SPATC1: variants seen among roughly 807,000 people sequenced by gnomAD.
SPATC1 encodes the protein spermatogenesis and centriole associated 1.
SPATC1 carries 35 observed loss-of-function variants against 36.5 expected under a neutral mutation model. The observed-to-expected ratio is 0.96, with a 90% confidence interval of 0.73 to 1.27. The LOEUF is 1.27. SPATC1 is among the 50% of genes most tolerant of loss of function. SPATC1 has a pLI of 0.00. For synonymous variants in SPATC1, 361 were observed against 353.6 expected (o/e 1.02, Z -0.24); for missense variants, 779 against 796.0 (o/e 0.98, Z 0.26).
At position 144,046,658 on chromosome 8, in the gene SPATC1, A is replaced by G. The variant is rs1269563541; in HGVS notation, c.1478A>G (p.Asp493Gly). 5.5e-5 allele frequency: 89 copies of G among 1,611,380 alleles called. No homozygotes were observed. The highest frequency in any genetic ancestry group is 7.5e-5 in the Non-Finnish European group (89 of 1,179,824). ...CTGAACCCCAGTGACCACAAGCTGG[A>G]TGAGAAGCTGTGCCAGAGGCTCACA... ...ASLNPSDHKL[D>G]EKLCQRLTQR... Residue 493 changes from aspartate to glycine, a missense_variant, in exon 5 of 5, where the codon GAT becomes GGT. Asp to Gly is a moderately conservative substitution (Grantham distance 94). Coordinates refer to ENST00000377470, the MANE Select transcript of SPATC1 (RefSeq NM_198572.3). This position sits in a 1 kb window ranked among gnomAD's most constrained non-coding sequence, Gnocchi z 6.6.
At chr8:144,042,872 G>T (rs376540115) in intron 4 of SPATC1, among the ~76,000 whole-genome samples, 4 of 151,020 alleles carry the variant, frequency 2.6e-5, no homozygotes, top group African/African-American at 7.3e-5. Context: ...TTAAGATGGG[G>T]TCACACTCTG....
At position 144,041,099 on chromosome 8, in the gene SPATC1, A is replaced by AC. The variant is rs1554755960; in HGVS notation, c.1303dup (p.Arg435ProfsTer14). 6.3e-7 allele frequency: 1 copy of AC among 1,578,008 alleles called. No homozygotes were observed. ...CGCAAGACCAGCAAGTTCCCCGAGA[A>AC]CCCCCGAGGTCAGTGACACTGCGGG... On this transcript the variant is annotated frameshift_variant, in exon 3 of 5. Transcript: ENST00000377470. LOFTEE classifies it high-confidence loss of function.
chr8:144,040,951 C>T lies in SPATC1; in HGVS notation c.1150C>T (p.His384Tyr), dbSNP rs1835074803. Residue 384 changes from histidine (H) to tyrosine (Y), a missense_variant, in exon 3 of 5, where the codon CAC becomes TAC. Coordinates refer to ENST00000377470, the MANE Select transcript of SPATC1 (RefSeq NM_198572.3). ...CCTGCCTGTCCCCCACTGTCCTCCA[C>T]ACAACGCCCACTCCCCACCTCGTAC... ...QNLPVPHCPP[H>Y]NAHSPPRTSS... 1.2e-6 allele frequency: 2 copies of T among 1,608,962 alleles called. No homozygotes were observed. The highest frequency in any genetic ancestry group is 1.3e-5 in the African/African-American group (1 of 74,730).
intron 1 of SPATC1, among the ~76,000 whole-genome samples, chr8:144,015,726 G>T (rs1283667078): frequency 7.0e-5 from 9 of 127,864 alleles, no homozygotes; most frequent in African/African-American, 2.6e-4. Context: ...GGGCGACTGA[G>T]TGAGACTCTG....
chr8:144,021,593 C>T (rs1174441702), intron 1 of SPATC1, among the ~76,000 whole-genome samples: 2 of 127,462 alleles, frequency 1.6e-5, no homozygotes, highest in Non-Finnish European at 3.4e-5. Context: ...TCAGAACCCT[C>T]TCACCTCAGG....
At chr8:144,044,390 G>A (rs1186037190) in intron 4 of SPATC1, among the ~76,000 whole-genome samples, 2 of 150,522 alleles carry the variant, frequency 1.3e-5, no homozygotes, top group South Asian at 2.1e-4. Flanking sequence ...CAAGCTCCAC[G>A]CCACGGGTTC....
In SPATC1 at chr8:144,040,334, C is replaced by T; in HGVS notation, c.637C>T (p.Leu213=). The T allele has an allele frequency of 4.3e-6, 7 of 1,612,740 alleles. No individual in the cohort carries two copies. The highest frequency in any genetic ancestry group is 5.9e-6 in the Non-Finnish European group (7 of 1,179,902). ...TATPPGVSQN[L]LANPMSNLVL... ...CACCCCACCAGGGGTCTCTCAGAAC[C>T]TGCTGGCCAACCCCATGAGCAACCT... Residue 213 remains leucine (L), a synonymous_variant, in exon 2 of 5, where the codon CTG becomes TTG. Transcript: ENST00000377470.
intron 1 of SPATC1, among the ~76,000 whole-genome samples, chr8:144,030,813 C>T (rs1429050557): frequency 1.3e-5 from 2 of 151,780 alleles, no homozygotes; most frequent in African/African-American, 4.8e-5. Context: ...TTAGTGGTTA[C>T]CCTGGGGGTC....
intron 1 of SPATC1, among the ~76,000 whole-genome samples, chr8:144,020,585 CT>C (rs1587492260): frequency 8.0e-3 from 783 of 98,250 alleles, no homozygotes; most frequent in African/African-American, 0.015. Context: ...ACCTTCTCCC[CT>C]CAGAACCCTC....
chr8:144,029,202 T>TAAAAAAAAAAAA (rs1165801794), intron 1 of SPATC1, among the ~76,000 whole-genome samples: 2 of 28,154 alleles, frequency 7.1e-5, no homozygotes, highest in African/African-American at 2.3e-4. Context: ...ACCCCAGAAC[T>TAAAAAAAAAAAA]AAAAAAAAAA....
Position 144,046,697 on chromosome 8 carries a change from G to A in SPATC1, c.1517G>A (p.Ser506Asn), listed in dbSNP as rs1554756820. The A allele has an allele frequency of 6.2e-7, 1 of 1,612,622 alleles. No homozygotes were observed. Among genetic ancestry groups the A allele is most frequent in the South Asian group, 1.1e-5 (1 of 91,082 alleles). The change falls in exon 5 of 5, where the codon AGC becomes AAC. Residue 506 changes from serine to asparagine, a missense_variant. Physicochemically the swap from Ser to Asn is conservative, Grantham distance 46. Transcript: ENST00000377470. This position sits in a 1 kb window ranked among gnomAD's most constrained non-coding sequence, Gnocchi z 6.6. ...LCQRLTQRYV[S>N]VMNRLQSLGY... ...CAGAGGCTCACACAGCGCTATGTGA[G>A]CGTCATGAACAGGCTGCAGAGTCTG... is the stretch of plus-strand genomic sequence containing the variant.
At chr8:144,013,485 A>C (rs530060061) in intron 1 of SPATC1, among the ~76,000 whole-genome samples, 176 of 151,624 alleles carry the variant, frequency 1.2e-3, no homozygotes, top group African/African-American at 4.0e-3. Context: ...GCTTGTGCTC[A>C]CTCCCCTCCT....
At chr8:144,014,693 T>C (rs1834347822) in intron 1 of SPATC1, among the ~76,000 whole-genome samples, 1 of 152,002 alleles carries the variant, frequency 6.6e-6, no homozygotes, top group Non-Finnish European at 1.5e-5. Context: ...CAACTGGTTG[T>C]GAAGGGGAAA....
intron 1 of SPATC1, among the ~76,000 whole-genome samples, chr8:144,024,983 C>A (rs954174363): frequency 8.6e-5 from 13 of 151,294 alleles, no homozygotes; most frequent in Admixed American, 7.9e-4. Flanking sequence ...CAGCCTCCCC[C>A]CTCAGGACCC....
chr8:144,011,127 C>T (rs1834278748), upstream of SPATC1, among the ~76,000 whole-genome samples: 1 of 151,890 alleles, frequency 6.6e-6, no homozygotes, highest in Non-Finnish European at 1.5e-5. The surrounding 1 kb of genome is among the most constrained non-coding windows in gnomAD (Gnocchi z 4.5). Flanking sequence ...GACACTATAG[C>T]CTCACAAAAT....
chr8:144,037,876 T>C (rs1354650157), intron 1 of SPATC1, among the ~76,000 whole-genome samples: 1 of 149,718 alleles, frequency 6.7e-6, no homozygotes, highest in East Asian at 2.0e-4. Context: ...ACGCCTGTAA[T>C]CCCAGCACTT....
At chr8:144,044,302 GA>G (rs1197789201) in intron 4 of SPATC1, among the ~76,000 whole-genome samples, 8 of 107,368 alleles carry the variant, frequency 7.5e-5, no homozygotes, top group African/African-American at 5.2e-4. Context: ...TTCCTTGAAG[GA>G]ATTTTTTTTT....
At chr8:144,021,126 T>C (rs1834518171) in intron 1 of SPATC1, among the ~76,000 whole-genome samples, 4 of 864 alleles carry the variant, frequency 4.6e-3, no homozygotes, top group Admixed American at 0.013. Flanking sequence ...CCCATGAGGA[T>C]TCTCTCCCTC....
At chr8:144,020,703 T>TCCTCTTCCCTCAGGAG (rs1355328271) in intron 1 of SPATC1, among the ~76,000 whole-genome samples, 1,556 of 15,422 alleles carry the variant, frequency 0.1, 42 homozygotes, top group African/African-American at 0.24. Context: ...TCCCTCAGGA[T>TCCTCTTCCCTCAGGAG]CCTCTTCCCT....
Sources: gnomAD v4.1 joint callset for allele counts (sites outside exome capture counted in the v4.1 genomes callset) on GRCh38, gnomAD v4.1.1 for gene constraint, Gnocchi (gnomAD v3.1) non-coding constraint, MANE v1.5 for transcripts, NCBI Gene and HGNC (gene_info 2026-07-23, HGNC 2026-07-21) for gene names.